MAPK14: variants seen among roughly 807,000 people sequenced by gnomAD.
MAPK14 encodes CSAID-binding protein.
Under a neutral mutation model 49.6 loss-of-function variants are expected in MAPK14, and 16 were observed. That is an observed-to-expected ratio of 0.32 (90% CI 0.22 to 0.49). The LOEUF (loss-of-function observed/expected upper bound fraction) is 0.49, where lower values mean the gene tolerates loss of function less well. Ranked by LOEUF, MAPK14 falls within the 20% of genes least tolerant of loss-of-function variation. The probability of loss-of-function intolerance (pLI) is 0.99; values close to 1 mark genes in which losing one functional copy is unlikely to be tolerated. For missense variants in MAPK14, 200 were observed against 441.2 expected (o/e 0.45, Z 4.90); for synonymous variants, 142 against 158.0 (o/e 0.90, Z 0.76).
At chr6:36,031,079 A>G (rs936592881) in intron 1 of MAPK14, among the ~76,000 whole-genome samples, 2 of 152,230 alleles carry the variant, frequency 1.3e-5, no homozygotes, top group Admixed American at 1.3e-4. Context: ...CAGTGGTGCC[A>G]TCTTGGCTCA....
At chr6:36,042,701 G>T (rs1763013385) in intron 1 of MAPK14, among the ~76,000 whole-genome samples, 1 of 150,424 alleles carries the variant, frequency 6.6e-6, no homozygotes, top group Admixed American at 6.6e-5. Context: ...ACTATGTCAT[G>T]AAGTTGCCCA....
chr6:36,089,534 A>C (rs1331434400), intron 8 of MAPK14, among the ~76,000 whole-genome samples: 1 of 152,220 alleles, frequency 6.6e-6, no homozygotes, highest in Non-Finnish European at 1.5e-5. Flanking sequence ...TGTATCTCAG[A>C]ACTTTAATTT....
At chr6:36,071,287 T>C (rs1223478570) in intron 3 of MAPK14, among the ~76,000 whole-genome samples, 1 of 151,758 alleles carries the variant, frequency 6.6e-6, no homozygotes, top group Non-Finnish European at 1.5e-5. Flanking sequence ...GAGCCGAGCT[T>C]GTGCCACTGC....
chr6:36,102,621 G>C lies in MAPK14; in HGVS notation c.813G>C (p.Ala271=), dbSNP rs145344045. The change falls in exon 10 of 12, where the codon GCG becomes GCC. Residue 271 remains alanine (A), a synonymous_variant. Transcript: ENST00000229794. ...SLTQMPKMNF[A]NVFIGANPLA... is the part of the protein sequence containing the mutation. The stretch of plus-strand genomic sequence containing the variant: ...CTCAGATGCCGAAGATGAACTTTGC[G>C]AATGTATTTATTGGTGCCAATCCCC... 1 of 1,613,988 alleles carries C rather than the reference G, an allele frequency of 6.2e-7. No individual in the cohort carries two copies. Among genetic ancestry groups the C allele is most frequent in the South Asian group, 1.1e-5 (1 of 91,058 alleles).
chr6:36,064,617 A>G (rs907107309), intron 3 of MAPK14, among the ~76,000 whole-genome samples: 1 of 152,216 alleles, frequency 6.6e-6, no homozygotes, highest in Non-Finnish European at 1.5e-5. Flanking sequence ...CTTACTAACA[A>G]TGATTGCTCA....
intron 2 of MAPK14, among the ~76,000 whole-genome samples, chr6:36,058,295 AAC>A (rs1351920185): frequency 2.0e-5 from 3 of 152,208 alleles, no homozygotes; most frequent in Non-Finnish European, 2.9e-5. Context: ...ATTTTTAAAA[AAC>A]ACAATATTAC....
chr6:36,055,962 G>T lies in MAPK14; in HGVS notation c.246+3134G>T, dbSNP rs138986073. ...ATTTAAGTACTTTGATTTAGCATGGGTAGTTTTAATCTCAAAATTGTTATT... is the reference window on the plus strand; with the variant it reads ...ATTTAAGTACTTTGATTTAGCATGGTTAGTTTTAATCTCAAAATTGTTATT... On this transcript the variant is annotated intron_variant, in intron 2 of 11. Coordinates refer to ENST00000229794, the MANE Select transcript of MAPK14 (RefSeq NM_139012.3). 6.9e-4 allele frequency among the ~76,000 whole-genome samples: 105 copies of T among 152,168 alleles called. 1 individual carries two copies. Among genetic ancestry groups the T allele is most frequent in the African/African-American group, 2.5e-3 (102 of 41,510 alleles).
chr6:36,040,497 T>A (rs1352025788), intron 1 of MAPK14, among the ~76,000 whole-genome samples: 1 of 152,210 alleles, frequency 6.6e-6, no homozygotes, highest in African/African-American at 2.4e-5. Flanking sequence ...TAAACATGAT[T>A]TTTGTTATTT....
chr6:36,047,588 C>T (rs1413195262), intron 1 of MAPK14, among the ~76,000 whole-genome samples: 1 of 152,150 alleles, frequency 6.6e-6, no homozygotes, highest in Non-Finnish European at 1.5e-5. Context: ...ATTTTTGAGA[C>T]AGTCTCACTG....
At chr6:36,101,370 G>A (rs1052473451) in intron 9 of MAPK14, among the ~76,000 whole-genome samples, 2 of 152,166 alleles carry the variant, frequency 1.3e-5, no homozygotes, top group Non-Finnish European at 2.9e-5. Flanking sequence ...TCAGGAGTTA[G>A]AGGCCATAGT....
At chr6:36,040,187 G>A (rs1762911435) in intron 1 of MAPK14, among the ~76,000 whole-genome samples, 1 of 152,062 alleles carries the variant, frequency 6.6e-6, no homozygotes, top group Admixed American at 6.6e-5. Flanking sequence ...ATAATGTTTT[G>A]TTGTGGGGGA....
At chr6:36,064,401 A>C (rs943793212) in intron 3 of MAPK14, among the ~76,000 whole-genome samples, 1 of 152,002 alleles carries the variant, frequency 6.6e-6, no homozygotes, top group Admixed American at 6.6e-5. Flanking sequence ...GTTAAGTGGA[A>C]ATTAGTCTTC....
At chr6:36,111,587 A>G (rs964107186), downstream of MAPK14, among the ~76,000 whole-genome samples, 2 of 152,172 alleles carry the variant, frequency 1.3e-5, no homozygotes, top group African/African-American at 2.4e-5. Flanking sequence ...GGTCCTTGAA[A>G]ATATTCTTCA....
At chr6:36,099,791 T>G (rs1238640575) in intron 9 of MAPK14, among the ~76,000 whole-genome samples, 2 of 152,196 alleles carry the variant, frequency 1.3e-5, no homozygotes, top group Non-Finnish European at 1.5e-5. Context: ...ATATTTTATT[T>G]TGTTCAAAGT....
chr6:36,122,437 C>T, the MAPK14 span, among the ~76,000 whole-genome samples: 2 of 152,230 alleles, frequency 1.3e-5, no homozygotes, highest in African/African-American at 4.8e-5. Context: ...GACAGAGATG[C>T]AGCGATAACA....
At chr6:36,084,333 T>TGG (rs1356336789) in intron 8 of MAPK14, among the ~76,000 whole-genome samples, 2 of 152,200 alleles carry the variant, frequency 1.3e-5, no homozygotes, top group African/African-American at 2.4e-5. Context: ...GGCATAGATG[T>TGG]GGGCTGAGGC....
downstream of MAPK14, among the ~76,000 whole-genome samples, chr6:36,113,055 A>T (rs1766002728): frequency 6.6e-6 from 1 of 152,230 alleles, no homozygotes; most frequent in Non-Finnish European, 1.5e-5. Context: ...TGGTTAATGA[A>T]TATGCAAATA....
In MAPK14 at chr6:36,059,063, T is replaced by G. The variant is rs1290989455; in HGVS notation, c.247-226T>G. ...CGCCACCACACCTGGCTAATGTTTGTATTTTTAGTAGAGACAGGGTTTTAC... is the reference window on the plus strand; with the variant it reads ...CGCCACCACACCTGGCTAATGTTTGGATTTTTAGTAGAGACAGGGTTTTAC... On this transcript the variant is annotated intron_variant, in intron 2 of 11. Transcript: ENST00000229794. Among the ~76,000 whole-genome samples the G allele has an allele frequency of 2.0e-5, 3 of 152,078 alleles. No homozygotes were observed. In the East Asian group the frequency reaches 5.8e-4, roughly 29 times the overall value.
the MAPK14 span, among the ~76,000 whole-genome samples, chr6:36,124,066 G>A: frequency 6.6e-6 from 1 of 151,028 alleles, no homozygotes; most frequent in East Asian, 2.0e-4. Context: ...GAGGTGCAGG[G>A]GAGTGGGGGA....
Sources: gnomAD v4.1 joint callset for allele counts (sites outside exome capture counted in the v4.1 genomes callset) on GRCh38, gnomAD v4.1.1 for gene constraint, MANE v1.5 for transcripts, NCBI Gene and HGNC (gene_info 2026-07-23, HGNC 2026-07-21) for gene names.